The following SLC4A4 variants were observed in gnomAD, a reference collection of about 807,000 sequenced individuals.
SLC4A4 encodes solute carrier family 4 member 4, also known as electrogenic sodium bicarbonate cotransporter 1.
Under a neutral mutation model 111.5 loss-of-function variants are expected in SLC4A4, and 27 were observed. That is an observed-to-expected ratio of 0.24 (90% confidence interval 0.18 to 0.33). The LOEUF is 0.33. Among genes scored for constraint, SLC4A4 ranks in the 10% least tolerant of loss-of-function variants. SLC4A4 has a pLI of 1.00. For synonymous variants in SLC4A4, 443 were observed against 463.4 expected, an observed-to-expected ratio of 0.96 and a Z score of 0.57; for missense variants, 909 against 1,315.5, an observed-to-expected ratio of 0.69 and a Z score of 4.78.
intron 24 of SLC4A4, among the ~76,000 whole-genome samples, chr4:71,565,263 C>G (rs1479894155): frequency 6.6e-6 from 1 of 151,862 alleles, no homozygotes; most frequent in Non-Finnish European, 1.5e-5. Context: ...GCCTTATGTT[C>G]CCTGCCTCCA....
chr4:71,453,719 C>T (rs761200081), intron 12 of SLC4A4, 50 bp downstream of exon 12: 2 of 1,557,412 alleles, frequency 1.3e-6, no homozygotes, highest in Admixed American at 1.7e-5. Context: ...AGATTGCCTT[C>T]CTCACCCCTA....
At chr4:71,393,586 T>C (rs532711950) in intron 6 of SLC4A4, among the ~76,000 whole-genome samples, 2 of 152,212 alleles carry the variant, frequency 1.3e-5, no homozygotes, top group East Asian at 3.9e-4. Context: ...ATGACAGTAC[T>C]GTCAAAAGCA....
At chr4:71,545,437 T>A (rs1201548169) in intron 18 of SLC4A4, among the ~76,000 whole-genome samples, 1 of 152,002 alleles carries the variant, frequency 6.6e-6, no homozygotes, top group Non-Finnish European at 1.5e-5. Context: ...TTCCCTGCTG[T>A]GAAAATGGAC....
chr4:71,232,098 T>A (rs1240210865), intron 1 of SLC4A4, among the ~76,000 whole-genome samples: 2 of 152,210 alleles, frequency 1.3e-5, no homozygotes, highest in Non-Finnish European at 2.9e-5. Flanking sequence ...ACAGGTTTTA[T>A]ATTTTCCATT....
At chr4:71,174,964 C>T (rs540353592) in intron 2 of SLC4A4, among the ~76,000 whole-genome samples, 12 of 152,182 alleles carry the variant, frequency 7.9e-5, no homozygotes, top group East Asian at 3.9e-4. Context: ...CTTTTGGCAC[C>T]GAACAACATC....
chr4:71,339,116 C>T (rs1170577447), intron 3 of SLC4A4: 1 of 1,606,556 alleles, frequency 6.2e-7, no homozygotes, highest in Non-Finnish European at 8.5e-7. Flanking sequence ...TGTGACACAT[C>T]ACACAGAATT....
intron 3 of SLC4A4, among the ~76,000 whole-genome samples, chr4:71,264,404 A>G (rs1251637114): frequency 1.3e-5 from 2 of 152,192 alleles, no homozygotes; most frequent in South Asian, 4.1e-4. Flanking sequence ...CCACAAGATA[A>G]ACCAATTATA....
intron 1 of SLC4A4, among the ~76,000 whole-genome samples, chr4:71,073,662 T>C (rs1741727548): frequency 6.6e-6 from 1 of 152,176 alleles, no homozygotes; most frequent in Non-Finnish European, 1.5e-5. Flanking sequence ...TCCACTGGAA[T>C]GTAAGCTCTA....
chr4:71,177,405 C>T (rs1347057167), intron 2 of SLC4A4, among the ~76,000 whole-genome samples: 1 of 152,074 alleles, frequency 6.6e-6, no homozygotes, highest in Non-Finnish European at 1.5e-5. Flanking sequence ...AGAGTCAAGA[C>T]CCATCAGTGT....
chr4:71,443,116 C>CTCTCTCTCTCTATATATATA (rs1198759861), intron 8 of SLC4A4, among the ~76,000 whole-genome samples: 2 of 65,654 alleles, frequency 3.0e-5, no homozygotes, highest in African/African-American at 8.7e-5. Context: ...CTCTCTCTCT[C>CTCTCTCTCTCTATATATATA]TATATATATA....
At chr4:71,521,527 C>A (rs1732934057) in intron 16 of SLC4A4, among the ~76,000 whole-genome samples, 1 of 152,156 alleles carries the variant, frequency 6.6e-6, no homozygotes, top group Non-Finnish European at 1.5e-5. Context: ...AGCCACCACA[C>A]ATGGTCTGAT....
At chr4:71,208,441 A>T (rs5021146) in intron 1 of SLC4A4, among the ~76,000 whole-genome samples, 101,158 of 143,644 alleles carry the variant, frequency 0.7, 36,617 homozygotes, top group East Asian at 0.8. Flanking sequence ...AAAAAAAAAA[A>T]AAATATATAT....
intron 6 of SLC4A4, among the ~76,000 whole-genome samples, chr4:71,392,123 A>T (rs867870510): frequency 6.6e-6 from 1 of 152,194 alleles, no homozygotes; most frequent in Non-Finnish European, 1.5e-5. Flanking sequence ...CCAATTTCTA[A>T]TTCCCATGTA....
intron 16 of SLC4A4, among the ~76,000 whole-genome samples, chr4:71,506,642 A>G (rs1283718184): frequency 6.6e-6 from 1 of 152,042 alleles, no homozygotes; most frequent in Non-Finnish European, 1.5e-5. Context: ...CAAACTAGGT[A>G]GTTTGACTCC....
intron 6 of SLC4A4, among the ~76,000 whole-genome samples, chr4:71,389,940 C>A (rs761554344): frequency 1.3e-5 from 2 of 151,922 alleles, no homozygotes; most frequent in Non-Finnish European, 2.9e-5. Flanking sequence ...AGCAAAAATA[C>A]CCAAACTGAT....
At chr4:71,101,199 C>T (rs911280525) in intron 2 of SLC4A4, among the ~76,000 whole-genome samples, 1 of 152,114 alleles carries the variant, frequency 6.6e-6, no homozygotes, top group African/African-American at 2.4e-5. Flanking sequence ...GTGGAGCTTG[C>T]AGTGAGCTGA....
intron 3 of SLC4A4, among the ~76,000 whole-genome samples, chr4:71,309,314 G>A (rs1725947382): frequency 1.3e-5 from 2 of 152,150 alleles, no homozygotes; most frequent in Non-Finnish European, 1.5e-5. Context: ...CCTGCCTGCC[G>A]GCTCTGAAGA....
intron 2 of SLC4A4, among the ~76,000 whole-genome samples, chr4:71,141,908 C>A (rs1258801287): frequency 1.3e-5 from 2 of 152,226 alleles, no homozygotes; most frequent in African/African-American, 2.4e-5. Context: ...AAGACAATTT[C>A]ATTAGCTTAG....
chr4:71,555,312 G>T lies in SLC4A4; in HGVS notation c.2763+104G>T, dbSNP rs1001219069. 7.3e-6 allele frequency: 6 copies of T among 821,008 alleles called. No individual in the cohort carries two copies. In the African/African-American group the frequency reaches 8.4e-5, roughly 12 times the overall value. 50.9% of individuals were successfully genotyped at this position (821,008 alleles called of 1,614,324 possible). ...AAAGTGCTAATCATTATTAACTGCT[G>T]AGTTTTTAAAATGCATTTATTTTCT... On this transcript the variant is annotated intron_variant, in intron 21 of 25. Coordinates refer to ENST00000264485, the MANE Select transcript of SLC4A4 (RefSeq NM_001098484.3).
Sources: allele counts gnomAD v4.1 joint callset (sites outside exome capture counted in the v4.1 genomes callset), GRCh38; gene constraint gnomAD v4.1.1; transcripts MANE v1.5; gene names NCBI Gene and HGNC (gene_info 2026-07-23, HGNC 2026-07-21).